The following FAM168A variants were observed in gnomAD, a reference collection of about 807,000 sequenced individuals.
The protein encoded by FAM168A is family with sequence similarity 168 member A, also known as protein FAM168A.
In FAM168A, 3 loss-of-function variants were observed where a neutral mutation model predicts 28.5. The observed-to-expected ratio is 0.11, with a 90% CI of 0.05 to 0.27. The LOEUF (loss-of-function observed/expected upper bound fraction) is 0.27, where lower values mean the gene tolerates loss of function less well. Among genes scored for constraint, FAM168A ranks in the 10% least tolerant of loss-of-function variants. The pLI, the probability that FAM168A is intolerant of heterozygous loss-of-function variation, is 1.00. For synonymous variants in FAM168A, 122 were observed against 124.2 expected (o/e 0.98, Z 0.12); for missense variants, 222 against 311.5 (o/e 0.71, Z 2.16).
chr11:73,520,051 T>C, intron 1 of FAM168A, among the ~76,000 whole-genome samples: 1 of 151,818 alleles, frequency 6.6e-6, no homozygotes, highest in South Asian at 2.1e-4. Context: ...TTTATTATTA[T>C]TATTATTATT....
In FAM168A at chr11:73,481,173, C is replaced by T. The variant is rs143256051; in HGVS notation, c.-18-12681G>A. Among the ~76,000 whole-genome samples, 437 of 152,294 alleles carry T rather than the reference C, an allele frequency of 2.9e-3. 5 individuals carry two copies. The highest frequency in any genetic ancestry group is 0.01 in the African/African-American group (421 of 41,560). ...GGCTCAAGTGATCCTCCTGCCTCAG[C>T]CTCCCACGTAGCTGGGACTACAGGC... On this transcript the variant is annotated intron_variant, in intron 1 of 7. Coordinates refer to ENST00000356467, the MANE Select transcript of FAM168A (RefSeq NM_015159.3).
chr11:73,565,282 CT>C (rs1393033588), intron 1 of FAM168A, among the ~76,000 whole-genome samples: 12 of 152,188 alleles, frequency 7.9e-5, no homozygotes, highest in African/African-American at 2.9e-4. Flanking sequence ...CCAGGCTGCT[CT>C]TTCCACTATA....
intron 1 of FAM168A, among the ~76,000 whole-genome samples, chr11:73,512,284 T>C (rs1855241429): frequency 6.6e-6 from 1 of 152,188 alleles, no homozygotes; most frequent in Non-Finnish European, 1.5e-5. Context: ...GTAGGTATTA[T>C]TATACCTACA....
At chr11:73,506,900 C>T (rs1221491373) in intron 1 of FAM168A, among the ~76,000 whole-genome samples, 2 of 152,134 alleles carry the variant, frequency 1.3e-5, no homozygotes, top group African/African-American at 4.8e-5. Context: ...TTTCCCCACT[C>T]ACATATATAA....
At position 73,492,539 on chromosome 11, in the gene FAM168A, G is replaced by T. The variant is rs764650267; in HGVS notation, c.-18-24047C>A. 2.6e-5 allele frequency among the ~76,000 whole-genome samples: 4 copies of T among 152,138 alleles called. No homozygotes were observed. The South Asian group carries it at 8.3e-4, about 32-fold the overall frequency. On this transcript the variant is annotated intron_variant, in intron 1 of 7. Transcript: ENST00000356467. ...CACCTGTAGTCCCAGCTACACGGGG[G>T]GCTGAGGCAGGAGGATTGCTTAAGC...
intron 1 of FAM168A, among the ~76,000 whole-genome samples, chr11:73,545,486 T>C (rs1271823734): frequency 2.0e-5 from 3 of 152,042 alleles, no homozygotes; most frequent in East Asian, 1.9e-4. Context: ...AAGTTTCCAA[T>C]AGGTAACGAA....
At chr11:73,501,015 CAAA>C (rs771782195) in intron 1 of FAM168A, among the ~76,000 whole-genome samples, 2 of 99,088 alleles carry the variant, frequency 2.0e-5, no homozygotes, top group Non-Finnish European at 2.2e-5. Flanking sequence ...AAATGGAAAG[CAAA>C]AAAAAAAAAA....
intron 1 of FAM168A, among the ~76,000 whole-genome samples, chr11:73,519,663 G>A (rs1366945535): frequency 6.6e-6 from 1 of 152,104 alleles, no homozygotes; most frequent in Non-Finnish European, 1.5e-5. Flanking sequence ...AACAGCATGA[G>A]CAAAGTCACT....
intron 1 of FAM168A, among the ~76,000 whole-genome samples, chr11:73,484,524 A>C (rs1868013821): frequency 1.4e-5 from 2 of 144,360 alleles, no homozygotes; most frequent in Non-Finnish European, 3.0e-5. Flanking sequence ...ATAGATATAT[A>C]TATCTATATA....
intron 2 of FAM168A, among the ~76,000 whole-genome samples, chr11:73,448,622 G>A (rs1482892776): frequency 6.6e-6 from 1 of 152,146 alleles, no homozygotes; most frequent in Non-Finnish European, 1.5e-5. Context: ...GAATAGCCAC[G>A]TGGCCCAGTT....
chr11:73,488,490 CTG>C (rs1378307097), intron 1 of FAM168A, among the ~76,000 whole-genome samples: 2 of 152,190 alleles, frequency 1.3e-5, no homozygotes, highest in African/African-American at 2.4e-5. Flanking sequence ...CCATCCTATA[CTG>C]TTTCATGCTT....
chr11:73,417,753 G>C (rs1377253504), intron 4 of FAM168A, among the ~76,000 whole-genome samples: 1 of 152,002 alleles, frequency 6.6e-6, no homozygotes. Context: ...TAGAGATGGG[G>C]TTTCACCATG....
At chr11:73,427,781 CCA>C (rs779296919) in intron 3 of FAM168A, among the ~76,000 whole-genome samples, 2 of 152,102 alleles carry the variant, frequency 1.3e-5, no homozygotes, top group Non-Finnish European at 2.9e-5. Context: ...CGAAACAATC[CCA>C]CAGTCTATCA....
At chr11:73,453,267 AAAATGGGTGGGG>A (rs1396561036) in intron 2 of FAM168A, among the ~76,000 whole-genome samples, 2 of 152,250 alleles carry the variant, frequency 1.3e-5, no homozygotes, top group African/African-American at 4.8e-5. Flanking sequence ...CTAGAGGAAC[AAAATGGGTGGGG>A]AAAGGGGTCC....
At chr11:73,458,934 G>T (rs1203065397) in intron 2 of FAM168A, among the ~76,000 whole-genome samples, 1 of 152,180 alleles carries the variant, frequency 6.6e-6, no homozygotes, top group Non-Finnish European at 1.5e-5. Context: ...CTACCTCACA[G>T]TGCTTGTTGT....
chr11:73,489,163 G>A (rs1266224055), intron 1 of FAM168A, among the ~76,000 whole-genome samples: 3 of 152,136 alleles, frequency 2.0e-5, no homozygotes, highest in Non-Finnish European at 4.4e-5. Context: ...ACATAGGTGT[G>A]AGCCACCGCA....
At chr11:73,437,636 G>A (rs1867115374) in intron 2 of FAM168A, among the ~76,000 whole-genome samples, 1 of 151,942 alleles carries the variant, frequency 6.6e-6, no homozygotes, top group African/African-American at 2.4e-5. Context: ...CTAAAAATCT[G>A]ACTTATTAAG....
intron 1 of FAM168A, among the ~76,000 whole-genome samples, chr11:73,506,050 G>A (rs1442415806): frequency 2.0e-5 from 3 of 152,036 alleles, no homozygotes; most frequent in African/African-American, 4.8e-5. Context: ...ACTCTCACAC[G>A]CACTCTCTCT....
At chr11:73,534,995 C>A (rs1030436884) in intron 1 of FAM168A, among the ~76,000 whole-genome samples, 1 of 152,078 alleles carries the variant, frequency 6.6e-6, no homozygotes, top group African/African-American at 2.4e-5. Context: ...GGCAGCCAGG[C>A]CTCCAACTTG....
Sources: allele counts gnomAD v4.1 joint callset (sites outside exome capture counted in the v4.1 genomes callset), GRCh38; gene constraint gnomAD v4.1.1; transcripts MANE v1.5; gene names NCBI Gene and HGNC (gene_info 2026-07-23, HGNC 2026-07-21).